Variants in UNC13A observed in about 807,000 individuals in gnomAD.
UNC13A encodes protein unc-13 homolog A.
In UNC13A, 61 loss-of-function variants were observed where a neutral mutation model predicts 219.7. The ratio of observed to expected loss-of-function variants is 0.28; its 90% CI spans 0.23 to 0.34. UNC13A has a LOEUF of 0.34. UNC13A is among the 10% of genes least tolerant of loss of function. The pLI, the probability that UNC13A is intolerant of heterozygous loss-of-function variation, is 1.00. For synonymous variants in UNC13A, 920 were observed against 884.6 expected (o/e 1.04, Z -0.71); for missense variants, 1,476 against 2,270.3 (o/e 0.65, Z 7.11).
intron 36 of UNC13A, 127 bp downstream of exon 36, chr19:17,623,415 C>T (rs867539807): frequency 1.1e-5 from 7 of 613,668 alleles, no homozygotes; most frequent in African/African-American, 1.0e-4. Context: ...CACATCTAGG[C>T]GGGAGGGAGG....
chr19:17,630,570 C>G, intron 29 of UNC13A, 84 bp downstream of exon 29: 1 of 1,415,458 alleles, frequency 7.1e-7, no homozygotes, highest in Non-Finnish European at 1.0e-6. Context: ...CTACCAGAGA[C>G]TGGCCTCATC....
intron 1 of UNC13A, among the ~76,000 whole-genome samples, chr19:17,676,699 C>A (rs1393799285): frequency 2.6e-5 from 4 of 152,162 alleles, no homozygotes; most frequent in African/African-American, 9.7e-5. Context: ...GACAAAGCAA[C>A]CCAGAGAGCT....
intron 1 of UNC13A, among the ~76,000 whole-genome samples, chr19:17,680,872 T>C (rs1351433251): frequency 5.2e-5 from 7 of 134,894 alleles, no homozygotes; most frequent in African/African-American, 1.7e-4. Context: ...TCTTCTTCTT[T>C]TTTTTTCTTT....
chr19:17,683,537 A>G (rs1353711266), intron 1 of UNC13A, among the ~76,000 whole-genome samples: 3 of 152,032 alleles, frequency 2.0e-5, no homozygotes, highest in African/African-American at 7.2e-5. Context: ...ACGTGCCTGT[A>G]ATCCCAGCTA....
chr19:17,626,331 A>C, intron 34 of UNC13A: 102 of 249,674 alleles, frequency 4.1e-4, no homozygotes, highest in Non-Finnish European at 4.1e-4. Context: ...TAAAACATCT[A>C]TCCTCCCTCT....
chr19:17,655,471 G>A, intron 10 of UNC13A, 89 bp from the exon 11 acceptor site: 1 of 1,040,948 alleles, frequency 9.6e-7, no homozygotes, highest in Non-Finnish European at 1.4e-6. Flanking sequence ...GTGATGCATA[G>A]CTCCCCATGG....
chr19:17,676,095 G>C, intron 1 of UNC13A, 54 bp from the exon 2 acceptor site: 1 of 1,529,278 alleles, frequency 6.5e-7, no homozygotes, highest in Non-Finnish European at 8.9e-7. Flanking sequence ...GTGGGGAGGA[G>C]GAGGCAGAGA....
chr19:17,666,197 CTT>C (rs1491161229), intron 7 of UNC13A, among the ~76,000 whole-genome samples: 5 of 6,412 alleles, frequency 7.8e-4, no homozygotes, highest in African/African-American at 1.7e-3. Context: ...CTCTTTCTCT[CTT>C]TCTTTCTCTT....
intron 16 of UNC13A, 49 bp downstream of exon 16, chr19:17,648,382 G>C (rs566817955): frequency 6.4e-6 from 7 of 1,088,578 alleles, no homozygotes; most frequent in Non-Finnish European, 6.8e-6. Context: ...TGCAAGCCCC[G>C]GGGCTCCCCA....
At chr19:17,679,267 G>T (rs765427437) in intron 1 of UNC13A, among the ~76,000 whole-genome samples, 3 of 152,064 alleles carry the variant, frequency 2.0e-5, no homozygotes, top group East Asian at 3.9e-4. Flanking sequence ...GGGCATGATG[G>T]TGCACGCCTG....
intron 36 of UNC13A, chr19:17,622,372 G>A (rs561639849): frequency 6.4e-6 from 1 of 155,646 alleles, no homozygotes; most frequent in Non-Finnish European, 1.4e-5. Context: ...TCACTCAAAG[G>A]GTTATCATGA....
In UNC13A at chr19:17,604,359, T is replaced by G. The variant is rs2076498846; in HGVS notation, c.*1695A>C. 2.0e-5 allele frequency: 3 copies of G among 152,258 alleles called. No homozygotes were observed. The South Asian group carries it at 6.2e-4, about 32-fold the overall frequency. The allele number at this position is 152,258 out of a possible 1,614,324, so 9.4% of individuals were successfully genotyped here. ...CTGCAGATCTCCCCAACCCCAAGGC[T>G]CCTCACGATCCCCCTTGCTGGCTCA... On this transcript the variant is annotated 3_prime_UTR_variant, in exon 44 of 44. Coordinates refer to ENST00000519716, the MANE Select transcript of UNC13A (RefSeq NM_001080421.3).
In UNC13A at chr19:17,605,847, T is replaced by G. The variant is rs2076518644; in HGVS notation, c.*207A>C. On this transcript the variant is annotated 3_prime_UTR_variant, in exon 44 of 44. Transcript: ENST00000519716. ...GTGGCTCCTTCCTTCGTCGCGCCCT[T>G]GGGCGTGGCCTCCCGAGAGGGCGGG... is the stretch of plus-strand genomic sequence containing the variant. The G allele has an allele frequency of 2.0e-6, 1 of 499,216 alleles. No individual in the cohort carries two copies. Among genetic ancestry groups the G allele is most frequent in the South Asian group, 4.4e-5 (1 of 22,824 alleles). 30.9% of individuals were successfully genotyped at this position (499,216 alleles called of 1,614,324 possible).
chr19:17,617,875 T>G, intron 40 of UNC13A, 26 bp from the exon 41 acceptor site: 1 of 1,612,574 alleles, frequency 6.2e-7, no homozygotes. Flanking sequence ...TGGGGAGAGG[T>G]GAGGATGGTG....
At chr19:17,669,002 C>A (rs954226093) in intron 5 of UNC13A, among the ~76,000 whole-genome samples, 10 of 151,986 alleles carry the variant, frequency 6.6e-5, no homozygotes, top group African/African-American at 9.7e-5. Context: ...CACTAGATGG[C>A]CCAGGCTGGT....
At chr19:17,626,171 A>ATCCATCCATCCATCCC (rs2076781793) in intron 34 of UNC13A, 1 of 153,852 alleles carries the variant, frequency 6.5e-6, no homozygotes, top group Non-Finnish European at 1.4e-5. Flanking sequence ...CCATCCATCC[A>ATCCATCCATCCATCCC]TCCATCCATC....
At chr19:17,616,322 G>A in intron 41 of UNC13A, 2 of 654,596 alleles carry the variant, frequency 3.1e-6, no homozygotes, top group South Asian at 3.4e-5. Context: ...GAGGCAGAAG[G>A]ACGATCCTTT....
chr19:17,672,857 T>C (rs1056292489), intron 3 of UNC13A, among the ~76,000 whole-genome samples: 2 of 152,126 alleles, frequency 1.3e-5, no homozygotes, highest in African/African-American at 4.8e-5. Flanking sequence ...CATAGCTCCC[T>C]TTACCTACAG....
intron 36 of UNC13A, among the ~76,000 whole-genome samples, chr19:17,622,257 T>C (rs1377837116): frequency 6.6e-6 from 1 of 152,216 alleles, no homozygotes; most frequent in African/African-American, 2.4e-5. Flanking sequence ...AGATCTGAAT[T>C]TGAATCCTGA....
Sources: allele counts gnomAD v4.1 joint callset (sites outside exome capture counted in the v4.1 genomes callset), GRCh38; gene constraint gnomAD v4.1.1; transcripts MANE v1.5; gene names NCBI Gene and HGNC (gene_info 2026-07-23, HGNC 2026-07-21).